The following ASXL1 variants were observed in gnomAD, a reference collection of about 807,000 sequenced individuals.
ASXL1 encodes the protein ASXL transcriptional regulator 1, also known as polycomb group protein ASXL1.
ASXL1 carries 65 observed loss-of-function variants against 89.1 expected under a neutral mutation model. The observed-to-expected ratio is 0.73, with a 90% confidence interval of 0.60 to 0.90. ASXL1 has a LOEUF of 0.90. ASXL1 is among the 40% of genes least tolerant of loss of function. The pLI is 0.00. For synonymous variants in ASXL1, 739 were observed against 746.9 expected (o/e 0.99, Z 0.17); for missense variants, 1,786 against 1,942.9 (o/e 0.92, Z 1.52).
At chr20:32,379,927 AAGTTC>A (rs2048458365) in intron 4 of ASXL1, among the ~76,000 whole-genome samples, 1 of 150,594 alleles carries the variant, frequency 6.6e-6, no homozygotes, top group Non-Finnish European at 1.5e-5. Flanking sequence ...TTTTTCAGTT[AAGTTC>A]AGTTGAACCC....
intron 4 of ASXL1, among the ~76,000 whole-genome samples, chr20:32,406,889 T>A (rs946354862): frequency 6.6e-6 from 1 of 152,176 alleles, no homozygotes; most frequent in Non-Finnish European, 1.5e-5. Context: ...AGGCTCTGAC[T>A]CTCTACTCTT....
At chr20:32,377,631 T>C (rs1443192225) in intron 4 of ASXL1, among the ~76,000 whole-genome samples, 2 of 152,152 alleles carry the variant, frequency 1.3e-5, no homozygotes, top group African/African-American at 4.8e-5. Flanking sequence ...ATATTTATCT[T>C]ATATGCATGA....
At chr20:32,382,017 G>A (rs1262994373) in intron 4 of ASXL1, among the ~76,000 whole-genome samples, 7 of 145,788 alleles carry the variant, frequency 4.8e-5, no homozygotes, top group East Asian at 4.1e-4. Context: ...GTGCAATGGC[G>A]CGATCTCAGC....
intron 4 of ASXL1, among the ~76,000 whole-genome samples, chr20:32,410,633 G>A (rs2049026307): frequency 6.6e-6 from 1 of 152,110 alleles, no homozygotes; most frequent in South Asian, 2.1e-4. Context: ...TGAAACTTCG[G>A]GTAGAGGGCA....
chr20:32,394,088 C>T (rs1168529935), intron 4 of ASXL1, among the ~76,000 whole-genome samples: 7 of 149,730 alleles, frequency 4.7e-5, no homozygotes, highest in Non-Finnish European at 7.4e-5. Flanking sequence ...CTGCAATCTC[C>T]GCCTCCTGGG....
intron 4 of ASXL1, among the ~76,000 whole-genome samples, chr20:32,387,833 A>G (rs899176105): frequency 6.6e-6 from 1 of 152,172 alleles, no homozygotes; most frequent in African/African-American, 2.4e-5. Flanking sequence ...CAGTATCTCT[A>G]TTCGGATATC....
At chr20:32,413,808 G>T (rs1281793268) in intron 4 of ASXL1, among the ~76,000 whole-genome samples, 1 of 152,134 alleles carries the variant, frequency 6.6e-6, no homozygotes, top group Non-Finnish European at 1.5e-5. Flanking sequence ...GCCTTTCCTA[G>T]ATCTCACACA....
rs529909442 is a variant in ASXL1, at chr20:32,389,555, G to A, written c.252+20432G>A. 3.3e-5 allele frequency among the ~76,000 whole-genome samples: 5 copies of A among 151,954 alleles called. No homozygotes were observed. The South Asian group carries it at 6.2e-4, about 19-fold the overall frequency. ...CCTCTCAGTTTATGGCATAATTTACGTACAGTAAAATTTACCACCGCCCCC... is the reference window on the plus strand; with the variant it reads ...CCTCTCAGTTTATGGCATAATTTACATACAGTAAAATTTACCACCGCCCCC... On this transcript the variant is annotated intron_variant, in intron 4 of 12. Transcript: ENST00000375687.
At chr20:32,397,762 C>T (rs1049817968) in intron 4 of ASXL1, among the ~76,000 whole-genome samples, 10 of 152,184 alleles carry the variant, frequency 6.6e-5, no homozygotes, top group East Asian at 3.9e-4. Flanking sequence ...ACAAAGTTTG[C>T]GTTGGGCCGC....
intron 4 of ASXL1, among the ~76,000 whole-genome samples, chr20:32,420,376 A>G (rs1197708683): frequency 6.6e-6 from 1 of 152,120 alleles, no homozygotes; most frequent in Non-Finnish European, 1.5e-5. Flanking sequence ...AACTTTATCA[A>G]TTTAAATGTT....
intron 4 of ASXL1, among the ~76,000 whole-genome samples, chr20:32,373,064 A>G (rs2048325695): frequency 6.8e-6 from 1 of 146,120 alleles, no homozygotes; most frequent in South Asian, 2.2e-4. Context: ...TGCATGAGCC[A>G]CCTCGTGTGT....
At chr20:32,411,128 C>T (rs547939333) in intron 4 of ASXL1, among the ~76,000 whole-genome samples, 9 of 132,168 alleles carry the variant, frequency 6.8e-5, no homozygotes, top group African/African-American at 2.6e-4. Flanking sequence ...CACCATTTAT[C>T]TGACATCTAT....
intron 4 of ASXL1, among the ~76,000 whole-genome samples, chr20:32,399,617 A>G (rs545787718): frequency 6.7e-6 from 1 of 148,694 alleles, no homozygotes; most frequent in East Asian, 2.0e-4. Context: ...TAGCTTACTG[A>G]TAGTTTTTGT....
At position 32,358,400 on chromosome 20, in the gene ASXL1, C is replaced by T. The variant is rs2048047351; in HGVS notation, c.-376C>T. On this transcript the variant is annotated 5_prime_UTR_variant, in exon 1 of 13. Transcript: ENST00000375687. ...CGCCGAAGGGAAAGCCGCGTCTCGC[C>T]CTCCCGCCCCGCCGTCGGTCCTGTC... 2 of 234,550 alleles carry T rather than the reference C, an allele frequency of 8.5e-6. No homozygotes were observed. The highest frequency in any genetic ancestry group is 1.7e-5 in the Non-Finnish European group (2 of 119,572). The allele number at this position is 234,550 out of a possible 1,614,324, so 14.5% of individuals were successfully genotyped here.
At position 32,434,579 on chromosome 20, in the gene ASXL1, C is replaced by T. The variant is rs111316898; in HGVS notation, c.1867C>T (p.Gln623Ter). 1 of 1,613,406 alleles carries T rather than the reference C, an allele frequency of 6.2e-7. No individual in the cohort carries two copies. The highest frequency in any genetic ancestry group is 8.5e-7 in the Non-Finnish European group (1 of 1,179,974). ...TLADIKARALQVRGARGHHCH... is the reference protein window; with the variant it reads ...TLADIKARAL ...CGCAGACATTAAAGCCCGTGCTCTGCAGGTCCGAGGGGCGAGAGGTCACCA... is the reference window on the plus strand; with the variant it reads ...CGCAGACATTAAAGCCCGTGCTCTGTAGGTCCGAGGGGCGAGAGGTCACCA... The change falls in exon 13 of 13, where the codon CAG becomes TAG. Residue 623 changes from glutamine (Q) to a stop codon, truncating the protein, a stop_gained. Transcript: ENST00000375687. LOFTEE classifies it low-confidence loss of function (END_TRUNC).
chr20:32,405,016 A>T (rs1015845372), intron 4 of ASXL1, among the ~76,000 whole-genome samples: 1 of 152,130 alleles, frequency 6.6e-6, no homozygotes, highest in Non-Finnish European at 1.5e-5. Context: ...TTGCCCATTT[A>T]AAAAAAGTTT....
Position 32,401,595 on chromosome 20 carries a change from A to G in ASXL1, c.253-26533A>G, listed in dbSNP as rs1003932338. Among the ~76,000 whole-genome samples, 12 of 127,456 alleles carry G rather than the reference A, an allele frequency of 9.4e-5. No homozygotes were observed. In the Admixed American group the frequency reaches 1.1e-3, roughly 12 times the overall value. The allele number at this position is 127,456 out of a possible 152,430, so 83.6% of individuals were successfully genotyped here. On this transcript the variant is annotated intron_variant, in intron 4 of 12. Coordinates refer to ENST00000375687, the MANE Select transcript of ASXL1 (RefSeq NM_015338.6). ...TTTGAGACGGAGTCTCACTCTCGTC[A>G]CCCAGACTAGGGTGCAGTGGTGTGA... is the stretch of plus-strand genomic sequence containing the variant.
chr20:32,431,300 A>G, intron 8 of ASXL1, 21 bp from the exon 9 acceptor site: 1 of 1,614,180 alleles, frequency 6.2e-7, no homozygotes. Context: ...TGAAATCTAT[A>G]CCTTGCTTCA....
chr20:32,360,068 A>G (rs77082655), intron 1 of ASXL1: 1 of 156,838 alleles, frequency 6.4e-6, no homozygotes, highest in African/African-American at 4.8e-5. Context: ...GTGTTGTGCA[A>G]AAAAAAAAAA....
Sources: allele counts gnomAD v4.1 joint callset (sites outside exome capture counted in the v4.1 genomes callset), GRCh38; gene constraint gnomAD v4.1.1; transcripts MANE v1.5; gene names NCBI Gene and HGNC (gene_info 2026-07-23, HGNC 2026-07-21).